The following PCDHGA11 variants were observed in gnomAD, a reference collection of about 807,000 sequenced individuals.
PCDHGA11 encodes protocadherin gamma subfamily A, 11, also known as protocadherin gamma-A11.
Under a neutral mutation model 60.4 loss-of-function variants are expected in PCDHGA11, and 39 were observed. That is an observed-to-expected ratio of 0.65 (90% CI 0.50 to 0.84). The LOEUF (loss-of-function observed/expected upper bound fraction) is 0.84. Among genes scored for constraint, PCDHGA11 ranks in the 40% least tolerant of loss-of-function variants. The pLI is 0.00. For missense variants in PCDHGA11, 1,165 were observed against 1,197.7 expected, an observed-to-expected ratio of 0.97 and a Z score of 0.40; for synonymous variants, 533 against 510.3, an observed-to-expected ratio of 1.04 and a Z score of -0.60.
At position 141,432,349 on chromosome 5, in the gene PCDHGA11, G is replaced by T; in HGVS notation, c.2433+8689G>T. On this transcript the variant is annotated intron_variant, in intron 1 of 3. Transcript: ENST00000398587. This position sits in a 1 kb window ranked among gnomAD's most constrained non-coding sequence, Gnocchi z 6.0. Reference sequence around the variant, plus strand: ...ACGAGCAGTTCCGAGACTTGCAAGTGAAAGTGATGGCGCGGGACAACGGGC... The same window carrying T: ...ACGAGCAGTTCCGAGACTTGCAAGTTAAAGTGATGGCGCGGGACAACGGGC... 4 of 1,614,240 alleles carry T rather than the reference G, an allele frequency of 2.5e-6. No homozygotes were observed. Among genetic ancestry groups the T allele is most frequent in the Non-Finnish European group, 1.7e-6 (2 of 1,180,046 alleles).
chr5:141,476,665 C>T lies in PCDHGA11; in HGVS notation c.2434-18142C>T. On this transcript the variant is annotated intron_variant, in intron 1 of 3. Coordinates refer to ENST00000398587, the MANE Select transcript of PCDHGA11 (RefSeq NM_018914.3). This position sits in a 1 kb window ranked among gnomAD's most constrained non-coding sequence, Gnocchi z 7.6. ...GCCGAAATGAATACTTTGCGCTTCG[C>T]GTGCAGACGCGGGAGGACAGCACCA... 6.2e-7 allele frequency: 1 copy of T among 1,614,240 alleles called. No homozygotes were observed. Among genetic ancestry groups the T allele is most frequent in the East Asian group, 2.2e-5 (1 of 44,882 alleles).
At chr5:141,434,683 T>A (rs1057301534) in intron 1 of PCDHGA11, among the ~76,000 whole-genome samples, 8 of 152,248 alleles carry the variant, frequency 5.3e-5, no homozygotes, top group Non-Finnish European at 5.9e-5. Flanking sequence ...AATGACTGGC[T>A]TGCTGTTAAT....
At position 141,476,602 on chromosome 5, in the gene PCDHGA11, C is replaced by T; in HGVS notation, c.2434-18205C>T. 6.2e-7 allele frequency: 1 copy of T among 1,614,208 alleles called. No homozygotes were observed. Among genetic ancestry groups the T allele is most frequent in the Middle Eastern group, 1.6e-4 (1 of 6,062 alleles). Reference sequence around the variant, plus strand: ...TTCCGCTCGAGAGCGCGCACGATCCCGATGTGGGAAGCAACTCTTTACAAA... The same window carrying T: ...TTCCGCTCGAGAGCGCGCACGATCCTGATGTGGGAAGCAACTCTTTACAAA... On this transcript the variant is annotated intron_variant, in intron 1 of 3. Coordinates refer to ENST00000398587, the MANE Select transcript of PCDHGA11 (RefSeq NM_018914.3). The surrounding 1 kb of genome is among the most constrained non-coding windows in gnomAD (Gnocchi z 7.6).
In PCDHGA11 at chr5:141,511,367, G is replaced by A. The variant is rs563286583; in HGVS notation, c.*194G>A. ...CCTTCCCCCCCAGGGGGTTGAATAT[G>A]CAAAAGCAGTTCCGCTGGGAACCCC... On this transcript the variant is annotated 3_prime_UTR_variant, in exon 4 of 4. Coordinates refer to ENST00000398587, the MANE Select transcript of PCDHGA11 (RefSeq NM_018914.3). 2.3e-6 allele frequency: 3 copies of A among 1,299,952 alleles called. No individual in the cohort carries two copies. Among genetic ancestry groups the A allele is most frequent in the Non-Finnish European group, 3.1e-6 (3 of 967,442 alleles). 80.5% of individuals were successfully genotyped at this position (1,299,952 alleles called of 1,614,324 possible).
chr5:141,463,308 A>G (rs1233755540), intron 1 of PCDHGA11, among the ~76,000 whole-genome samples: 1 of 151,660 alleles, frequency 6.6e-6, no homozygotes, highest in Admixed American at 6.6e-5. Context: ...CCAAACTCTA[A>G]TATCTATTCC....
intron 1 of PCDHGA11, chr5:141,478,437 A>G (rs2099455876): frequency 6.2e-7 from 1 of 1,613,758 alleles, no homozygotes; most frequent in African/African-American, 1.3e-5. Flanking sequence ...CCGCTGCTGA[A>G]GAAACCTGGT....
At position 141,477,020 on chromosome 5, in the gene PCDHGA11, G is replaced by A; in HGVS notation, c.2434-17787G>A. The A allele has an allele frequency of 6.2e-7, 1 of 1,614,224 alleles. No individual in the cohort carries two copies. Among genetic ancestry groups the A allele is most frequent in the Non-Finnish European group, 8.5e-7 (1 of 1,180,048 alleles). ...ACTATTCGCCTTAGACCTTGTAACC[G>A]GGATGCTGACAATCAAGGGTCGGCT... On this transcript the variant is annotated intron_variant, in intron 1 of 3. Transcript: ENST00000398587. This position sits in a 1 kb window ranked among gnomAD's most constrained non-coding sequence, Gnocchi z 4.9.
In PCDHGA11 at chr5:141,422,614, C is replaced by T. The variant is rs1207238896; in HGVS notation, c.1387C>T (p.Pro463Ser). The T allele has an allele frequency of 6.2e-7, 1 of 1,613,812 alleles. No individual in the cohort carries two copies. Among genetic ancestry groups the T allele is most frequent in the South Asian group, 1.1e-5 (1 of 91,012 alleles). Residue 463 changes from proline (P) to serine (S), a missense_variant, in exon 1 of 4, where the codon CCC (proline) becomes TCC (serine). Physicochemically the swap from Pro to Ser is moderately conservative, Grantham distance 74. Coordinates refer to ENST00000398587, the MANE Select transcript of PCDHGA11 (RefSeq NM_018914.3). ...TCACTCCTCTTACTCTGCCTACATT[C>T]CCGAAAACAACCCCAGGGGTGCCTC... ...FPHSSYSAYIPENNPRGASIF... is the reference protein window; with the variant it reads ...FPHSSYSAYISENNPRGASIF...
chr5:141,483,870 G>C (rs548525439), intron 1 of PCDHGA11, among the ~76,000 whole-genome samples: 9 of 152,142 alleles, frequency 5.9e-5, no homozygotes, highest in Non-Finnish European at 1.3e-4. Context: ...TCCAGATCAG[G>C]ATGGATTTTT....
intron 1 of PCDHGA11, among the ~76,000 whole-genome samples, chr5:141,466,724 A>G (rs2099128017): frequency 6.6e-6 from 1 of 152,148 alleles, no homozygotes. Flanking sequence ...TTTCCATTTT[A>G]GCAGAATTCA....
intron 3 of PCDHGA11, among the ~76,000 whole-genome samples, chr5:141,506,866 T>C (rs1182560001): frequency 2.6e-5 from 4 of 152,104 alleles, no homozygotes; most frequent in Admixed American, 2.6e-4. Context: ...GACTGGTGGG[T>C]AGAGAACCAG....
At chr5:141,502,118 G>A (rs897244225) in intron 2 of PCDHGA11, among the ~76,000 whole-genome samples, 3 of 152,108 alleles carry the variant, frequency 2.0e-5, no homozygotes, top group African/African-American at 7.2e-5. Context: ...CCTCAGCCAG[G>A]CCCACAGAGC....
intron 1 of PCDHGA11, among the ~76,000 whole-genome samples, chr5:141,429,629 C>G (rs2097230011): frequency 1.3e-5 from 2 of 152,160 alleles, no homozygotes; most frequent in Admixed American, 1.3e-4. Flanking sequence ...TATTTTCTCA[C>G]AGCTACCTAT....
At chr5:141,454,344 G>A (rs1455147295) in intron 1 of PCDHGA11, among the ~76,000 whole-genome samples, 3 of 152,236 alleles carry the variant, frequency 2.0e-5, no homozygotes, top group Non-Finnish European at 4.4e-5. Flanking sequence ...AATGTTGGAA[G>A]TTGATCCAAA....
rs953182246 is a variant in PCDHGA11, at chr5:141,511,757, C to T, written c.*584C>T. ...CTCAAGTTTTGGAGGACATGATCAC[C>T]ATCCCCATGGTACTGATGCTTGCTG... is the stretch of plus-strand genomic sequence containing the variant. On this transcript the variant is annotated 3_prime_UTR_variant, in exon 4 of 4. Coordinates refer to ENST00000398587, the MANE Select transcript of PCDHGA11 (RefSeq NM_018914.3). The T allele has an allele frequency of 6.9e-5, 12 of 174,122 alleles. No individual in the cohort carries two copies. The highest frequency in any genetic ancestry group is 2.8e-4 in the African/African-American group (12 of 42,412). The allele number at this position is 174,122 out of a possible 1,614,324, so 10.8% of individuals were successfully genotyped here.
chr5:141,489,579 C>G lies in PCDHGA11; in HGVS notation c.2434-5228C>G, dbSNP rs112808093. 3.7e-6 allele frequency: 6 copies of G among 1,613,922 alleles called. No individual in the cohort carries two copies. The Admixed American group carries it at 5.0e-5, about 13-fold the overall frequency. On this transcript the variant is annotated intron_variant, in intron 1 of 3. Transcript: ENST00000398587. This position sits in a 1 kb window ranked among gnomAD's most constrained non-coding sequence, Gnocchi z 4.5. ...CAGTGCAGGTGGTGACTGAACACCC[C>G]CTGGAGCTAATCCGTGTAGAGGTAG... is the stretch of plus-strand genomic sequence containing the variant.
In PCDHGA11 at chr5:141,490,091, A is replaced by T; in HGVS notation, c.2434-4716A>T. 6.2e-7 allele frequency: 1 copy of T among 1,614,240 alleles called. No homozygotes were observed. Among genetic ancestry groups the T allele is most frequent in the East Asian group, 2.2e-5 (1 of 44,888 alleles). ...CAACTAGACTATTCTTTTGGAGACC[A>T]CACATCTGAGGCAGTGCGGAACCTC... On this transcript the variant is annotated intron_variant, in intron 1 of 3. Coordinates refer to ENST00000398587, the MANE Select transcript of PCDHGA11 (RefSeq NM_018914.3). The surrounding 1 kb of genome is among the most constrained non-coding windows in gnomAD (Gnocchi z 5.4).
At position 141,431,542 on chromosome 5, in the gene PCDHGA11, G is replaced by C; in HGVS notation, c.2433+7882G>C. On this transcript the variant is annotated intron_variant, in intron 1 of 3. Coordinates refer to ENST00000398587, the MANE Select transcript of PCDHGA11 (RefSeq NM_018914.3). The surrounding 1 kb of genome is among the most constrained non-coding windows in gnomAD (Gnocchi z 4.8). ...AGAATCTGGCCTTGGGCACGCAGCT[G>C]CTTGTAGTCAACGCTACCGACCCTG... The C allele has an allele frequency of 1.9e-6, 3 of 1,614,124 alleles. No homozygotes were observed. The highest frequency in any genetic ancestry group is 1.1e-5 in the South Asian group (1 of 91,086).
intron 1 of PCDHGA11, among the ~76,000 whole-genome samples, chr5:141,456,297 A>G (rs537379475): frequency 6.6e-6 from 1 of 152,274 alleles, no homozygotes; most frequent in African/African-American, 2.4e-5. Context: ...CGTCTAATGG[A>G]GAACAGCAGC....
Sources: allele counts gnomAD v4.1 joint callset (sites outside exome capture counted in the v4.1 genomes callset), GRCh38; gene constraint gnomAD v4.1.1; non-coding constraint Gnocchi (gnomAD v3.1); transcripts MANE v1.5; gene names NCBI Gene and HGNC (gene_info 2026-07-23, HGNC 2026-07-21).